PAX5: variants seen among roughly 807,000 people sequenced by gnomAD.
PAX5 encodes paired box 5, also known as paired box protein Pax-5.
Under a neutral mutation model 43.7 loss-of-function variants are expected in PAX5, and 9 were observed. The ratio of observed to expected loss-of-function variants is 0.21; its 90% CI spans 0.12 to 0.36. The LOEUF is 0.36. Among genes scored for constraint, PAX5 ranks in the 10% least tolerant of loss-of-function variants. The pLI is 1.00. For synonymous variants in PAX5, 228 were observed against 214.3 expected, an observed-to-expected ratio of 1.06 and a Z score of -0.56; for missense variants, 383 against 532.7, an observed-to-expected ratio of 0.72 and a Z score of 2.77.
intron 5 of PAX5, among the ~76,000 whole-genome samples, chr9:36,972,778 A>G (rs1461107987): frequency 2.0e-5 from 3 of 152,210 alleles, no homozygotes; most frequent in African/African-American, 7.2e-5. Flanking sequence ...CTATAATCCC[A>G]GCACTTTGGG....
At chr9:36,993,243 C>T (rs567079173) in intron 5 of PAX5, among the ~76,000 whole-genome samples, 4 of 152,268 alleles carry the variant, frequency 2.6e-5, no homozygotes, top group African/African-American at 7.2e-5. Context: ...TTGGAAGATT[C>T]GGTTCTTTCT....
Position 37,002,771 on chromosome 9 carries a change from T to C in PAX5, c.481A>G (p.Thr161Ala), listed in dbSNP as rs1207218072. ...GAGGACACCTGCGTCACGGAGCCAG[T>C]GGACACTGCGCGGAGAAAGACGGGC... is the stretch of plus-strand genomic sequence containing the variant. Reference protein sequence around the residue: ...VPASSHSIVSTGSVTQVSSVS... With the variant: ...VPASSHSIVSAGSVTQVSSVS... The change falls in exon 5 of 10, where the codon ACT becomes GCT. Residue 161 changes from threonine (T) to alanine (A), a missense_variant. Physicochemically the swap from Thr to Ala is moderately conservative, Grantham distance 58 (BLOSUM62 0). Transcript: ENST00000358127. The C allele has an allele frequency of 6.2e-7, 1 of 1,608,112 alleles. No individual in the cohort carries two copies. Among genetic ancestry groups the C allele is most frequent in the South Asian group, 1.1e-5 (1 of 89,880 alleles).
intron 6 of PAX5, among the ~76,000 whole-genome samples, chr9:36,929,465 A>G (rs1830952487): frequency 1.3e-5 from 2 of 152,154 alleles, no homozygotes; most frequent in South Asian, 4.1e-4. Flanking sequence ...GTGTTGGTGC[A>G]CCTACATACT....
intron 2 of PAX5, among the ~76,000 whole-genome samples, chr9:37,019,015 G>T (rs536826903): frequency 2.3e-4 from 35 of 152,128 alleles, no homozygotes; most frequent in African/African-American, 8.4e-4. Context: ...CAAAGAAAGG[G>T]CCTTCTTTCT....
At chr9:36,926,304 A>G (rs1165481990) in intron 6 of PAX5, among the ~76,000 whole-genome samples, 1 of 152,178 alleles carries the variant, frequency 6.6e-6, no homozygotes, top group Non-Finnish European at 1.5e-5. Flanking sequence ...ATGAAACTGA[A>G]AAAAAAATAT....
chr9:36,968,521 T>A (rs2132206938), intron 5 of PAX5, among the ~76,000 whole-genome samples: 1 of 152,230 alleles, frequency 6.6e-6, no homozygotes, highest in African/African-American at 2.4e-5. Flanking sequence ...CGGAGGCAGC[T>A]CATGAGCCCT....
rs563244608 is a variant in PAX5, at chr9:36,967,755, T to G, written c.605-1031A>C. ...GGAGGTGAGGGGGAGAGACTTTTCA[T>G]GGCATGTTTTTCTTTGGTTTGGTTT... is the stretch of plus-strand genomic sequence containing the variant. On this transcript the variant is annotated intron_variant, in intron 5 of 9. Transcript: ENST00000358127. Among the ~76,000 whole-genome samples, 6 of 152,310 alleles carry G rather than the reference T, an allele frequency of 3.9e-5. 1 individual carries two copies. The South Asian group carries it at 1.2e-3, about 32-fold the overall frequency.
chr9:36,882,493 G>A lies in PAX5; in HGVS notation c.911-388C>T, dbSNP rs148872751. On this transcript the variant is annotated intron_variant, in intron 7 of 9. Coordinates refer to ENST00000358127, the MANE Select transcript of PAX5 (RefSeq NM_016734.3). The surrounding 1 kb of genome is among the most constrained non-coding windows in gnomAD (Gnocchi z 4.4). ...GGGACCTCTCCATCTCCACACTGTT[G>A]TTTCTGCTATGTCCTTTGTACAAAG... Among the ~76,000 whole-genome samples, 1 of 152,224 alleles carries A rather than the reference G, an allele frequency of 6.6e-6. No homozygotes were observed. Among genetic ancestry groups the A allele is most frequent in the African/African-American group, 2.4e-5 (1 of 41,538 alleles).
At chr9:36,972,403 T>A (rs1386403517) in intron 5 of PAX5, among the ~76,000 whole-genome samples, 1 of 152,224 alleles carries the variant, frequency 6.6e-6, no homozygotes, top group African/African-American at 2.4e-5. Flanking sequence ...GAGACCCCAG[T>A]AGTAAGCTAA....
chr9:36,903,940 G>A (rs560704834), intron 7 of PAX5, among the ~76,000 whole-genome samples: 1 of 152,306 alleles, frequency 6.6e-6, no homozygotes, highest in Admixed American at 6.5e-5. Context: ...GAATAGTGTG[G>A]CTTAGAGGTC....
At chr9:37,008,747 T>G (rs1054146034) in intron 3 of PAX5, among the ~76,000 whole-genome samples, 1 of 152,076 alleles carries the variant, frequency 6.6e-6, no homozygotes, top group Non-Finnish European at 1.5e-5. Flanking sequence ...TACATTCAGA[T>G]TGTTTGTTTG....
At chr9:36,881,941 G>A (rs1050371686) in intron 8 of PAX5, 63 bp downstream of exon 8, 25 of 1,211,364 alleles carry the variant, frequency 2.1e-5, no homozygotes, top group Non-Finnish European at 2.9e-5. Flanking sequence ...TTTGGGGGGG[G>A]ATGTCCCCCC....
intron 5 of PAX5, among the ~76,000 whole-genome samples, chr9:36,979,956 G>A (rs1402088241): frequency 6.6e-6 from 1 of 152,154 alleles, no homozygotes; most frequent in Non-Finnish European, 1.5e-5. Context: ...GCCTAACAGA[G>A]ACTTGAACTT....
intron 6 of PAX5, among the ~76,000 whole-genome samples, chr9:36,952,612 T>C (rs529786962): frequency 2.0e-5 from 3 of 152,334 alleles, no homozygotes; most frequent in South Asian, 2.1e-4. Flanking sequence ...TTCCATTTTA[T>C]CTCTTCTGTT....
chr9:36,850,027 T>C (rs1357678470), intron 8 of PAX5, among the ~76,000 whole-genome samples: 1 of 151,742 alleles, frequency 6.6e-6, no homozygotes, highest in Middle Eastern at 3.2e-3. Flanking sequence ...TTTCTGGGAG[T>C]GGAAGCGACC....
intron 6 of PAX5, among the ~76,000 whole-genome samples, chr9:36,944,686 G>A (rs927995610): frequency 3.9e-5 from 6 of 152,166 alleles, no homozygotes; most frequent in Non-Finnish European, 7.3e-5. Context: ...AGAAAGTGCC[G>A]AATGCGCTTC....
At position 36,840,273 on chromosome 9, in the gene PAX5, C is replaced by G; in HGVS notation, c.*287G>C. 1.9e-6 allele frequency: 1 copy of G among 539,688 alleles called. No individual in the cohort carries two copies. The highest frequency in any genetic ancestry group is 3.3e-6 in the Non-Finnish European group (1 of 303,184). 33.4% of individuals were successfully genotyped at this position (539,688 alleles called of 1,614,324 possible). A position where few individuals can be genotyped will look rare whatever the true frequency, so the allele number is the denominator to read the frequency against. ...ACAGCTGGAGGACAGGCAGGCTGGG[C>G]TGGGGCTGCGGTTATTTGCAGGACA... is the stretch of plus-strand genomic sequence containing the variant. On this transcript the variant is annotated 3_prime_UTR_variant, in exon 10 of 10. Coordinates refer to ENST00000358127, the MANE Select transcript of PAX5 (RefSeq NM_016734.3).
At chr9:36,951,511 T>A (rs1250982729) in intron 6 of PAX5, among the ~76,000 whole-genome samples, 1 of 152,214 alleles carries the variant, frequency 6.6e-6, no homozygotes, top group Non-Finnish European at 1.5e-5. Context: ...AAAGTTTATA[T>A]CATCTGATAA....
chr9:36,998,256 G>A (rs182387997), intron 5 of PAX5, among the ~76,000 whole-genome samples: 51 of 152,292 alleles, frequency 3.3e-4, no homozygotes, highest in African/African-American at 1.2e-3. Context: ...CCCGAGTCTG[G>A]TCTTGGAGGC....
Sources: allele counts gnomAD v4.1 joint callset (sites outside exome capture counted in the v4.1 genomes callset), GRCh38; gene constraint gnomAD v4.1.1; non-coding constraint Gnocchi (gnomAD v3.1); transcripts MANE v1.5; gene names NCBI Gene and HGNC (gene_info 2026-07-23, HGNC 2026-07-21).